The following ZNF480 variants were observed in gnomAD, a reference collection of about 807,000 sequenced individuals.
ZNF480 encodes zinc finger protein 480.
Under a neutral mutation model 14.4 loss-of-function variants are expected in ZNF480, and 15 were observed. The ratio of observed to expected loss-of-function variants is 1.04; its 90% CI spans 0.70 to 1.60. ZNF480 has a LOEUF of 1.60. ZNF480 is among the 40% of genes most tolerant of loss of function. ZNF480 has a pLI of 0.00. For missense variants in ZNF480, 593 were observed against 629.7 expected, an observed-to-expected ratio of 0.94 and a Z score of 0.62; for synonymous variants, 218 against 215.5, an observed-to-expected ratio of 1.01 and a Z score of -0.10.
intron 2 of ZNF480, 115 bp downstream of exon 2, chr19:52,300,599 C>T: frequency 6.4e-7 from 1 of 1,552,726 alleles, no homozygotes; most frequent in South Asian, 1.1e-5. Flanking sequence ...TTTGCTCACG[C>T]TTACCTATGC....
chr19:52,325,115 C>A lies in ZNF480; in HGVS notation c.*2257C>A, dbSNP rs1984032703. 6.6e-6 allele frequency: 1 copy of A among 152,060 alleles called. No individual in the cohort carries two copies. Among genetic ancestry groups the A allele is most frequent in the Non-Finnish European group, 1.5e-5 (1 of 68,006 alleles). The allele number at this position is 152,060 out of a possible 1,614,324, so 9.4% of individuals were successfully genotyped here. The stretch of plus-strand genomic sequence containing the variant: ...AACTGGGCAAAGGCCATGAATAGAC[C>A]TTTCTCAAAAGAATACATACATGTG... On this transcript the variant is annotated 3_prime_UTR_variant, in exon 5 of 5. Transcript: ENST00000595962.
At chr19:52,309,105 T>A (rs1031789517) in intron 2 of ZNF480, among the ~76,000 whole-genome samples, 3 of 152,162 alleles carry the variant, frequency 2.0e-5, no homozygotes, top group African/African-American at 4.8e-5. Context: ...TAAGTAAAAT[T>A]CTCAGTGATT....
In ZNF480 at chr19:52,323,531, A is replaced by G. The variant is rs961648964; in HGVS notation, c.*673A>G. 2.6e-5 allele frequency: 4 copies of G among 152,142 alleles called. No individual in the cohort carries two copies. Among genetic ancestry groups the G allele is most frequent in the Non-Finnish European group, 5.9e-5 (4 of 68,024 alleles). 9.4% of individuals were successfully genotyped at this position (152,142 alleles called of 1,614,324 possible). A position where few individuals can be genotyped will look rare whatever the true frequency, so the allele number is the denominator to read the frequency against. ...CTTCAGGCTGGTACTCCTGACGAAT[A>G]TAGGTGCCAAAATCCTCAGCAAAAT... On this transcript the variant is annotated 3_prime_UTR_variant, in exon 5 of 5. Coordinates refer to ENST00000595962, the MANE Select transcript of ZNF480 (RefSeq NM_144684.4).
At chr19:52,305,023 T>C (rs892220447) in intron 2 of ZNF480, among the ~76,000 whole-genome samples, 1 of 151,994 alleles carries the variant, frequency 6.6e-6, no homozygotes, top group Non-Finnish European at 1.5e-5. Flanking sequence ...GGCGTGAACC[T>C]GGGAGGCAGA....
At chr19:52,314,025 G>C (rs1983422058) in intron 2 of ZNF480, 128 bp from the exon 3 acceptor site, 3 of 1,053,590 alleles carry the variant, frequency 2.8e-6, no homozygotes, top group African/African-American at 1.6e-5. Flanking sequence ...CTACATCACA[G>C]ATACCTTAAT....
rs747812092 is a variant in ZNF480, at chr19:52,322,100, G to A, written c.850G>A (p.Glu284Lys). 1 of 1,614,020 alleles carries A rather than the reference G, an allele frequency of 6.2e-7. No individual in the cohort carries two copies. The highest frequency in any genetic ancestry group is 2.2e-5 in the East Asian group (1 of 44,854). Residue 284 changes from glutamate to lysine, a missense_variant, in exon 5 of 5, where the codon GAG (glutamate) becomes AAG (lysine). Transcript: ENST00000595962. ...ACGACATCAAAGAATTCATACCAGA[G>A]AGAAGCCGTATGAATGTAATGAATG... is the stretch of plus-strand genomic sequence containing the variant. The part of the protein sequence containing the change: ...FARHQRIHTR[E>K]KPYECNECGK...
chr19:52,313,134 CTTTTTTTTTT>C (rs33954410), intron 2 of ZNF480, among the ~76,000 whole-genome samples: 1 of 131,758 alleles, frequency 7.6e-6, no homozygotes, highest in Non-Finnish European at 1.6e-5. Flanking sequence ...AATTCTTTCT[CTTTTTTTTTT>C]TTTTTTTGTG....
chr19:52,308,956 G>A (rs1343586236), intron 2 of ZNF480, among the ~76,000 whole-genome samples: 1 of 152,122 alleles, frequency 6.6e-6, no homozygotes, highest in Admixed American at 6.5e-5. Context: ...TGTCCTAAAT[G>A]TCTATGTGAC....
rs757726812 is a variant in ZNF480, at chr19:52,315,926, T to G, written c.292T>G (p.Ser98Ala). The part of the protein sequence containing the change: ...GESEVKIAKN[S>A]DGRECIKGVN... ...GAGTGAAGTGAAAATAGCAAAAAAT[T>G]CAGATGGGAGGGAGTGCATCAAAGG... The change falls in exon 4 of 5, where the codon TCA (serine) becomes GCA (alanine). Residue 98 changes from serine (S) to alanine (A), a missense_variant. Ser to Ala is a moderately conservative substitution (Grantham distance 99). Coordinates refer to ENST00000595962, the MANE Select transcript of ZNF480 (RefSeq NM_144684.4). 6.2e-7 allele frequency: 1 copy of G among 1,612,420 alleles called. No homozygotes were observed. Among genetic ancestry groups the G allele is most frequent in the Non-Finnish European group, 8.5e-7 (1 of 1,178,926 alleles).
chr19:52,309,789 C>G (rs528498245), intron 2 of ZNF480, among the ~76,000 whole-genome samples: 1 of 152,144 alleles, frequency 6.6e-6, no homozygotes, highest in Non-Finnish European at 1.5e-5. Flanking sequence ...AGTTGGCCCA[C>G]GTATTCTTGT....
chr19:52,303,614 A>G (rs2122518735), intron 2 of ZNF480, among the ~76,000 whole-genome samples: 1 of 152,358 alleles, frequency 6.6e-6, no homozygotes, highest in East Asian at 1.9e-4. Context: ...GGAAAAATCA[A>G]TAAATCTAAA....
intron 1 of ZNF480, among the ~76,000 whole-genome samples, chr19:52,298,132 G>A (rs1355648820): frequency 6.6e-6 from 1 of 152,062 alleles, no homozygotes. Context: ...GTTTGAGAGT[G>A]GGGGAGAGGG....
At chr19:52,310,736 C>T (rs1483265995) in intron 2 of ZNF480, among the ~76,000 whole-genome samples, 1 of 151,850 alleles carries the variant, frequency 6.6e-6, no homozygotes, top group Admixed American at 6.6e-5. Context: ...CATGGTGGCT[C>T]ATGCCTGTAA....
rs1451051911 is a variant in ZNF480, at chr19:52,322,831, A to G, written c.1581A>G (p.Ala527=). The G allele has an allele frequency of 1.9e-6, 3 of 1,591,354 alleles. No individual in the cohort carries two copies. The highest frequency in any genetic ancestry group is 1.3e-5 in the African/African-American group (1 of 74,418). ...GKAFSRISYL[A]QHWTIHMG ...CCTTTAGTCGCATTTCATACCTAGC[A>G]CAACATTGGACAATTCATATGGGAT... Residue 527 remains alanine (A), a synonymous_variant, in exon 5 of 5, where the codon GCA becomes GCG. Transcript: ENST00000595962.
chr19:52,317,653 G>A (rs893474565), intron 4 of ZNF480: 3 of 152,264 alleles, frequency 2.0e-5, no homozygotes, highest in African/African-American at 4.8e-5. Flanking sequence ...TTAAGGGTGT[G>A]AGCCAGTGCG....
At chr19:52,313,134 CTT>C (rs33954410) in intron 2 of ZNF480, among the ~76,000 whole-genome samples, 72,344 of 131,528 alleles carry the variant, frequency 0.55, 18,738 homozygotes, top group Non-Finnish European at 0.58. Context: ...AATTCTTTCT[CTT>C]TTTTTTTTTT....
intron 2 of ZNF480, among the ~76,000 whole-genome samples, chr19:52,313,580 A>C (rs1686580776): frequency 1.3e-5 from 2 of 152,196 alleles, no homozygotes; most frequent in African/African-American, 4.8e-5. Context: ...ATAATAGCTA[A>C]TGCTTCTATA....
At chr19:52,320,585 A>T (rs1049055552) in intron 4 of ZNF480, among the ~76,000 whole-genome samples, 1 of 152,176 alleles carries the variant, frequency 6.6e-6, no homozygotes, top group Admixed American at 6.5e-5. Context: ...CATGGTCAGG[A>T]GTTCCAGACC....
At position 52,303,351 on chromosome 19, in the gene ZNF480, C is replaced by T. The variant is rs1325994262; in HGVS notation, c.72+2867C>T. Reference sequence around the variant, plus strand: ...GGAAAGTGATTATTAAGCACTCCCACGAAATCAGCTAAGTGGTTTTGCTAA... The same window carrying T: ...GGAAAGTGATTATTAAGCACTCCCATGAAATCAGCTAAGTGGTTTTGCTAA... On this transcript the variant is annotated intron_variant, in intron 2 of 4. Transcript: ENST00000595962. Among the ~76,000 whole-genome samples, 12 of 152,254 alleles carry T rather than the reference C, an allele frequency of 7.9e-5. No homozygotes were observed. The East Asian group carries it at 1.2e-3, about 15-fold the overall frequency.
Sources: allele counts gnomAD v4.1 joint callset (sites outside exome capture counted in the v4.1 genomes callset), GRCh38; gene constraint gnomAD v4.1.1; transcripts MANE v1.5; gene names NCBI Gene and HGNC (gene_info 2026-07-23, HGNC 2026-07-21).